The following EXOC6 variants were observed in gnomAD, a reference collection of about 807,000 sequenced individuals.
EXOC6 encodes exocyst complex component 6, also known as SEC15-like 1.
In EXOC6, 60 loss-of-function variants were observed where a neutral mutation model predicts 112.5. The observed-to-expected ratio is 0.53, with a 90% confidence interval of 0.43 to 0.66. The LOEUF (loss-of-function observed/expected upper bound fraction) is 0.66, where lower values mean the gene tolerates loss of function less well. EXOC6 is among the 30% of genes least tolerant of loss of function. The probability of loss-of-function intolerance (pLI) is 0.00; values close to 1 mark genes in which losing one functional copy is unlikely to be tolerated. For synonymous variants in EXOC6, 295 were observed against 308.0 expected, an observed-to-expected ratio of 0.96 and a Z score of 0.44; for missense variants, 855 against 957.1, an observed-to-expected ratio of 0.89 and a Z score of 1.41.
intron 1 of EXOC6, among the ~76,000 whole-genome samples, chr10:92,884,274 A>G (rs1307402713): frequency 6.6e-6 from 1 of 152,230 alleles, no homozygotes; most frequent in Admixed American, 6.5e-5. Context: ...AGCAGTGTCA[A>G]TGCCCAGGGA....
intron 18 of EXOC6, among the ~76,000 whole-genome samples, chr10:92,981,758 C>T (rs2134123965): frequency 6.6e-6 from 1 of 152,232 alleles, no homozygotes; most frequent in Non-Finnish European, 1.5e-5. Flanking sequence ...TTTTCCTTTG[C>T]TTTCAAATAT....
rs758695874 is a variant in EXOC6 at position 92,955,662 on chromosome 10, T to C, written c.1721T>C (p.Ile574Thr). The C allele has an allele frequency of 8.1e-6, 13 of 1,612,160 alleles. No individual in the cohort carries two copies. In the East Asian group the frequency reaches 2.2e-4, roughly 28 times the overall value. Residue 574 changes from isoleucine to threonine, a missense_variant, in exon 17 of 22, where the codon ATT becomes ACT. By Grantham distance (89) the Ile-to-Thr change is moderately conservative (BLOSUM62 -1). Transcript: ENST00000260762. The part of the protein sequence containing the change: ...LEDFITNITN[I>T]SQETVHTTRL... ...GACTTTATAACTAACATTACAAATA[T>C]TTCCCAAGAAACTGTTCATACTACA...
chr10:92,899,502 G>C, intron 4 of EXOC6, 97 bp from the exon 5 acceptor site: 2 of 793,072 alleles, frequency 2.5e-6, no homozygotes, highest in Non-Finnish European at 4.0e-6. Flanking sequence ...GAAGTCTAAT[G>C]AATTTGTAAT....
At chr10:92,949,424 T>G (rs1164707128) in intron 14 of EXOC6, among the ~76,000 whole-genome samples, 2 of 152,170 alleles carry the variant, frequency 1.3e-5, no homozygotes, top group African/African-American at 4.8e-5. Context: ...ATTCTGTATT[T>G]TTTGAAAGCC....
chr10:92,937,428 T>C (rs566147139), intron 12 of EXOC6, among the ~76,000 whole-genome samples: 2 of 152,208 alleles, frequency 1.3e-5, no homozygotes, highest in Non-Finnish European at 2.9e-5. Flanking sequence ...TTATATAATA[T>C]GCTTTGGGAA....
rs192059759 is a variant in EXOC6, at chr10:92,943,925, A to G, written c.1310+3101A>G. Among the ~76,000 whole-genome samples the G allele has an allele frequency of 2.1e-3, 320 of 152,270 alleles. 2 individuals carry two copies. Among genetic ancestry groups the G allele is most frequent in the African/African-American group, 7.4e-3 (308 of 41,564 alleles). On this transcript the variant is annotated intron_variant, in intron 13 of 21. Transcript: ENST00000260762. ...ATCGCCCTACCCTCTGGTAACCTAT[A>G]AATCAGAAATCAGGCTTCTCTCTAC...
intron 18 of EXOC6, among the ~76,000 whole-genome samples, chr10:92,992,134 C>CA (rs1253635779): frequency 6.6e-6 from 1 of 151,586 alleles, no homozygotes; most frequent in Non-Finnish European, 1.5e-5. Flanking sequence ...TACAAAAATA[C>CA]AAAAATTAGC....
At chr10:92,892,598 T>A (rs886901715) in intron 1 of EXOC6, among the ~76,000 whole-genome samples, 3 of 152,294 alleles carry the variant, frequency 2.0e-5, no homozygotes, top group Admixed American at 2.0e-4. Flanking sequence ...GCCTTCCAGG[T>A]AAACAAAGAA....
intron 1 of EXOC6, among the ~76,000 whole-genome samples, chr10:92,863,053 G>A (rs1847983843): frequency 6.6e-6 from 1 of 152,218 alleles, no homozygotes; most frequent in Non-Finnish European, 1.5e-5. Context: ...AAGCATCAGA[G>A]TATAATAAAA....
intron 19 of EXOC6, among the ~76,000 whole-genome samples, chr10:93,000,301 T>G (rs1006516405): frequency 3.3e-5 from 5 of 152,200 alleles, no homozygotes; most frequent in Admixed American, 6.5e-5. Context: ...CTTCTCCCTA[T>G]TCTCTTACCT....
intron 20 of EXOC6, among the ~76,000 whole-genome samples, chr10:93,022,049 T>C (rs1422448402): frequency 6.6e-6 from 1 of 152,180 alleles, no homozygotes; most frequent in African/African-American, 2.4e-5. Flanking sequence ...CGTACTTCCT[T>C]CCTTCAAAGA....
intron 6 of EXOC6, among the ~76,000 whole-genome samples, chr10:92,911,927 CTCTCTGTGTGCGTG>C (rs1160074079): frequency 1.0e-5 from 1 of 99,466 alleles, no homozygotes; most frequent in African/African-American, 3.7e-5. Context: ...CTCTCTCTCT[CTCTCTGTGTGCGTG>C]TGTGTGTGTG....
intron 19 of EXOC6, among the ~76,000 whole-genome samples, chr10:93,003,623 G>A (rs190164358): frequency 6.7e-6 from 1 of 149,124 alleles, no homozygotes; most frequent in East Asian, 1.9e-4. Context: ...CCTATTATAT[G>A]TTTGTTATAT....
intron 6 of EXOC6, among the ~76,000 whole-genome samples, chr10:92,910,149 A>T (rs1325443603): frequency 6.6e-6 from 1 of 152,252 alleles, no homozygotes; most frequent in African/African-American, 2.4e-5. Flanking sequence ...TTTATCAGTG[A>T]GAAACAAAAA....
chr10:92,873,146 A>G (rs1848528202), intron 1 of EXOC6, among the ~76,000 whole-genome samples: 2 of 152,210 alleles, frequency 1.3e-5, no homozygotes, highest in Admixed American at 6.5e-5. Flanking sequence ...GCATTTTACC[A>G]AATGCCCAAA....
At chr10:92,892,743 T>C (rs1372394777) in intron 1 of EXOC6, among the ~76,000 whole-genome samples, 2 of 152,188 alleles carry the variant, frequency 1.3e-5, no homozygotes, top group Non-Finnish European at 2.9e-5. Flanking sequence ...TAGGAATGAA[T>C]ATGCCATGTT....
At chr10:92,949,492 GTT>G (rs77187087) in intron 14 of EXOC6, among the ~76,000 whole-genome samples, 3 of 138,044 alleles carry the variant, frequency 2.2e-5, no homozygotes, top group Non-Finnish European at 3.2e-5. Context: ...TCATGGCTTA[GTT>G]TTTTTTTTTT....
In EXOC6 at chr10:92,920,908, C is replaced by G. The variant is rs190104463; in HGVS notation, c.888+858C>G. ...GCTTTAATTAGTATAGCCACTCCAG[C>G]TTTCTTCTGAGCACTATTGGCATAG... is the stretch of plus-strand genomic sequence containing the variant. On this transcript the variant is annotated intron_variant, in intron 8 of 21. Coordinates refer to ENST00000260762, the MANE Select transcript of EXOC6 (RefSeq NM_019053.6). 1.1e-3 allele frequency among the ~76,000 whole-genome samples: 169 copies of G among 152,286 alleles called. 2 individuals are homozygous for G. Among genetic ancestry groups the G allele is most frequent in the Non-Finnish European group, 5.6e-4 (38 of 68,016 alleles).
At chr10:92,996,477 C>T (rs1015488660) in intron 18 of EXOC6, among the ~76,000 whole-genome samples, 22 of 151,984 alleles carry the variant, frequency 1.4e-4, no homozygotes, top group African/African-American at 2.7e-4. Context: ...ATTAGCCAGG[C>T]GTGGTGGTGG....
Sources: allele counts gnomAD v4.1 joint callset (sites outside exome capture counted in the v4.1 genomes callset), GRCh38; gene constraint gnomAD v4.1.1; transcripts MANE v1.5; gene names NCBI Gene and HGNC (gene_info 2026-07-23, HGNC 2026-07-21).